RAI14: variants seen among roughly 807,000 people sequenced by gnomAD.
RAI14 encodes the protein retinoic acid induced 14, also known as ankycorbin.
A neutral mutation model predicts 115.4 loss-of-function variants in RAI14; 45 were observed. The ratio of observed to expected loss-of-function variants is 0.39; its 90% CI spans 0.31 to 0.50. RAI14 has a LOEUF of 0.50. Among genes scored for constraint, RAI14 ranks in the 20% least tolerant of loss-of-function variants. The pLI, the probability that RAI14 is intolerant of heterozygous loss-of-function variation, is 0.85. For synonymous variants in RAI14, 371 were observed against 415.4 expected, an observed-to-expected ratio of 0.89 and a Z score of 1.30; for missense variants, 939 against 1,131.2, an observed-to-expected ratio of 0.83 and a Z score of 2.44.
chr5:34,813,762 T>A, intron 11 of RAI14, 102 bp downstream of exon 11: 2 of 750,142 alleles, frequency 2.7e-6, no homozygotes, highest in Non-Finnish European at 4.0e-6. Context: ...AACTGACCTT[T>A]AAGTGCATAT....
At chr5:34,816,670 T>A (rs1561076968) in intron 12 of RAI14, among the ~76,000 whole-genome samples, 1 of 152,224 alleles carries the variant, frequency 6.6e-6, no homozygotes, top group African/African-American at 2.4e-5. Flanking sequence ...AGATGTTTTT[T>A]TTTAACTTGG....
chr5:34,723,059 C>G (rs1308534464), intron 2 of RAI14, among the ~76,000 whole-genome samples: 1 of 145,468 alleles, frequency 6.9e-6, no homozygotes, highest in African/African-American at 2.6e-5. Flanking sequence ...AAGATTGCAC[C>G]ACTGCACTCC....
chr5:34,790,571 A>AT (rs1297158951), intron 3 of RAI14, among the ~76,000 whole-genome samples: 5 of 152,160 alleles, frequency 3.3e-5, no homozygotes, highest in African/African-American at 1.2e-4. Flanking sequence ...CTACTTTATT[A>AT]TATAAAAAGT....
At chr5:34,672,393 G>C (rs900257010) in intron 1 of RAI14, among the ~76,000 whole-genome samples, 1 of 152,138 alleles carries the variant, frequency 6.6e-6, no homozygotes, top group Non-Finnish European at 1.5e-5. Context: ...GGGGTGTGGG[G>C]GGGGAGCATA....
At chr5:34,806,033 T>C (rs1441886799) in intron 5 of RAI14, among the ~76,000 whole-genome samples, 1 of 152,114 alleles carries the variant, frequency 6.6e-6, no homozygotes, top group Non-Finnish European at 1.5e-5. Flanking sequence ...CATTACAGAT[T>C]GCACAGCAGT....
chr5:34,668,926 G>A (rs750722160), intron 1 of RAI14, among the ~76,000 whole-genome samples: 1 of 151,920 alleles, frequency 6.6e-6, no homozygotes. Flanking sequence ...GCATCATCTC[G>A]GCTCACTGCA....
rs374172671 is a variant in RAI14, at chr5:34,703,213, GTACAT to G, written c.36+16266_36+16270del. 3.2e-3 allele frequency among the ~76,000 whole-genome samples: 484 copies of G among 152,204 alleles called. 7 individuals are homozygous for G. The highest frequency in any genetic ancestry group is 0.011 in the African/African-American group (458 of 41,524). ...GGAGAGAAATTCAAGTTACAAAATT[GTACAT>G]TACATTATAATTACAACATATAAAA... is the stretch of plus-strand genomic sequence containing the variant. On this transcript the variant is annotated intron_variant, in intron 2 of 17. Coordinates refer to ENST00000265109, the MANE Select transcript of RAI14 (RefSeq NM_015577.3).
At chr5:34,806,921 G>A (rs1004349017) in intron 5 of RAI14, among the ~76,000 whole-genome samples, 1 of 152,158 alleles carries the variant, frequency 6.6e-6, no homozygotes, top group Non-Finnish European at 1.5e-5. Flanking sequence ...CATTTACTGC[G>A]ACTTGAGCAA....
Position 34,807,953 on chromosome 5 carries a change from G to C in RAI14, c.379+96G>C. ...CCATTAACCTTCCATACTATTCCTG[G>C]TGCTCTTTTCTGTCATCATTTCTAA... is the stretch of plus-strand genomic sequence containing the variant. On this transcript the variant is annotated intron_variant, in intron 6 of 17. Coordinates refer to ENST00000265109, the MANE Select transcript of RAI14 (RefSeq NM_015577.3). 3.1e-6 allele frequency: 3 copies of C among 955,792 alleles called. No individual in the cohort carries two copies. The Admixed American group carries it at 5.5e-5, about 17-fold the overall frequency. The allele number at this position is 955,792 out of a possible 1,614,324, so 59.2% of individuals were successfully genotyped here.
At chr5:34,713,067 C>T (rs770474798) in intron 2 of RAI14, among the ~76,000 whole-genome samples, 6 of 151,854 alleles carry the variant, frequency 4.0e-5, no homozygotes, top group Non-Finnish European at 5.9e-5. Context: ...GTTGGTGGGG[C>T]GCAAAACATT....
At chr5:34,778,900 G>A (rs1751248419) in intron 3 of RAI14, among the ~76,000 whole-genome samples, 1 of 151,922 alleles carries the variant, frequency 6.6e-6, no homozygotes, top group Non-Finnish European at 1.5e-5. Context: ...TGATACCAAA[G>A]CCTGGCAGAG....
At position 34,811,953 on chromosome 5, in the gene RAI14, A is replaced by G. The variant is rs374043704; in HGVS notation, c.736+8A>G. 24 of 1,599,276 alleles carry G rather than the reference A, an allele frequency of 1.5e-5. No homozygotes were observed. In the African/African-American group the frequency reaches 2.0e-4, roughly 14 times the overall value. ...AAATCTCTCAGGATGCTGGTATGTA[A>G]AAGAAAATAGCCAATGTTGTTTTAA... On this transcript the variant is annotated splice_region_variant and intron_variant, in intron 9 of 17. Transcript: ENST00000265109.
chr5:34,759,574 A>G (rs1748352387), intron 3 of RAI14, among the ~76,000 whole-genome samples: 1 of 152,166 alleles, frequency 6.6e-6, no homozygotes, highest in Non-Finnish European at 1.5e-5. Context: ...CTAATGCCTG[A>G]TGATCTGTCA....
intron 16 of RAI14, 65 bp downstream of exon 16, chr5:34,826,544 A>C: frequency 3.8e-6 from 6 of 1,560,088 alleles, no homozygotes; most frequent in Non-Finnish European, 5.2e-6. Flanking sequence ...CTACCATCTC[A>C]GCTGCTAGGG....
intron 2 of RAI14, among the ~76,000 whole-genome samples, chr5:34,690,223 T>G (rs1738395944): frequency 6.6e-6 from 1 of 152,022 alleles, no homozygotes; most frequent in Admixed American, 6.6e-5. Context: ...AAATTATAAT[T>G]TTTTTTTAAC....
At chr5:34,818,437 C>T (rs1023745201) in intron 12 of RAI14, among the ~76,000 whole-genome samples, 12 of 152,118 alleles carry the variant, frequency 7.9e-5, no homozygotes, top group African/African-American at 1.9e-4. Context: ...GACTTCATTA[C>T]GAAAGCACTA....
chr5:34,789,945 C>T (rs895204851), intron 3 of RAI14, among the ~76,000 whole-genome samples: 2 of 152,186 alleles, frequency 1.3e-5, no homozygotes, highest in Non-Finnish European at 2.9e-5. Context: ...TCTTGTTATA[C>T]TTTACCATCT....
At chr5:34,702,643 A>T (rs553894814) in intron 2 of RAI14, among the ~76,000 whole-genome samples, 50 of 152,354 alleles carry the variant, frequency 3.3e-4, no homozygotes, top group African/African-American at 1.2e-3. Context: ...TGCTTTATAA[A>T]CAATGCTCGG....
At chr5:34,673,502 C>G (rs1743760426) in intron 1 of RAI14, among the ~76,000 whole-genome samples, 1 of 152,226 alleles carries the variant, frequency 6.6e-6, no homozygotes, top group Admixed American at 6.5e-5. Flanking sequence ...CGAAATGCAA[C>G]CTGCAATTGT....
Sources: gnomAD v4.1 joint callset for allele counts (sites outside exome capture counted in the v4.1 genomes callset) on GRCh38, gnomAD v4.1.1 for gene constraint, MANE v1.5 for transcripts, NCBI Gene and HGNC (gene_info 2026-07-23, HGNC 2026-07-21) for gene names.